The following CAMK2B variants were observed in gnomAD, a reference collection of about 807,000 sequenced individuals.
The protein encoded by CAMK2B is calcium/calmodulin-dependent protein kinase type II subunit beta.
A neutral mutation model predicts 93.7 loss-of-function variants in CAMK2B; 27 were observed. The observed-to-expected ratio is 0.29, with a 90% CI of 0.21 to 0.40. The LOEUF is 0.40. Among genes scored for constraint, CAMK2B ranks in the 10% least tolerant of loss-of-function variants. The pLI is 1.00. For missense variants in CAMK2B, 568 were observed against 895.8 expected, an observed-to-expected ratio of 0.63 and a Z score of 4.67; for synonymous variants, 374 against 358.8, an observed-to-expected ratio of 1.04 and a Z score of -0.48.
At chr7:44,250,927 A>G (rs2096774619) in intron 5 of CAMK2B, among the ~76,000 whole-genome samples, 1 of 152,184 alleles carries the variant, frequency 6.6e-6, no homozygotes, top group Non-Finnish European at 1.5e-5. Context: ...CAGTTTCCCC[A>G]TCAACTCCAA....
chr7:44,294,424 C>A (rs1270633575), intron 1 of CAMK2B, among the ~76,000 whole-genome samples: 1 of 152,182 alleles, frequency 6.6e-6, no homozygotes, highest in Non-Finnish European at 1.5e-5. Flanking sequence ...CAGCCCAGAA[C>A]AGGCATGCAG....
At chr7:44,228,342 G>A (rs1304144540) in intron 19 of CAMK2B, among the ~76,000 whole-genome samples, 1 of 152,076 alleles carries the variant, frequency 6.6e-6, no homozygotes, top group African/African-American at 2.4e-5. Context: ...ACTGAGGGAG[G>A]GTGCTCAGGG....
At chr7:44,279,619 A>C (rs1326121016) in intron 2 of CAMK2B, among the ~76,000 whole-genome samples, 1 of 152,204 alleles carries the variant, frequency 6.6e-6, no homozygotes, top group African/African-American at 2.4e-5. Flanking sequence ...CTTGAGAGGC[A>C]CAAGCACCTG....
chr7:44,253,576 C>A (rs1024130556), intron 5 of CAMK2B, among the ~76,000 whole-genome samples: 1 of 151,896 alleles, frequency 6.6e-6, no homozygotes, highest in East Asian at 2.0e-4. Context: ...CACCACCTAG[C>A]GAGGTCCTCC....
chr7:44,240,127 C>T (rs1390758802), intron 12 of CAMK2B, among the ~76,000 whole-genome samples: 1 of 135,630 alleles, frequency 7.4e-6, no homozygotes, highest in African/African-American at 2.8e-5. Flanking sequence ...ACCTGGGCTG[C>T]CGGCTCCACT....
intron 20 of CAMK2B, among the ~76,000 whole-genome samples, chr7:44,223,159 C>T (rs992378993): frequency 2.6e-5 from 4 of 152,204 alleles, no homozygotes; most frequent in African/African-American, 9.6e-5. Flanking sequence ...TGTGTGTGTG[C>T]AGTGCCTATG....
chr7:44,224,066 A>T lies in CAMK2B; in HGVS notation c.1597+2450T>A, dbSNP rs545221351. Among the ~76,000 whole-genome samples, 1 of 152,372 alleles carries T rather than the reference A, an allele frequency of 6.6e-6. No homozygotes were observed. The highest frequency in any genetic ancestry group is 1.5e-5 in the Non-Finnish European group (1 of 68,040). On this transcript the variant is annotated intron_variant, in intron 20 of 23. Coordinates refer to ENST00000395749, the MANE Select transcript of CAMK2B (RefSeq NM_001220.5). This position sits in a 1 kb window ranked among gnomAD's most constrained non-coding sequence, Gnocchi z 4.4. ...ATGCAGTGCTTTTAAACAAATTGTA[A>T]TTAAAATGGGAGTTGATGGGAAGAG... is the stretch of plus-strand genomic sequence containing the variant.
intron 15 of CAMK2B, 29 bp from the exon 16 acceptor site, chr7:44,232,895 G>C: frequency 1.3e-6 from 2 of 1,599,482 alleles, no homozygotes; most frequent in Non-Finnish European, 1.7e-6. Flanking sequence ...ACAGAGGAAG[G>C]AAAGAGAGGG....
chr7:44,263,256 C>T (rs912529418), intron 2 of CAMK2B, among the ~76,000 whole-genome samples, 192 bp from the exon 3 acceptor site: 5 of 152,194 alleles, frequency 3.3e-5, no homozygotes, highest in Admixed American at 6.5e-5. Flanking sequence ...AGGGACCAGC[C>T]GGCTTGTGTT....
chr7:44,225,767 C>A lies in CAMK2B; in HGVS notation c.1597+749G>T, dbSNP rs1307721289. The A allele has an allele frequency of 1.6e-6, 2 of 1,289,512 alleles. No individual in the cohort carries two copies. Among genetic ancestry groups the A allele is most frequent in the South Asian group, 2.5e-5 (2 of 81,030 alleles). 79.9% of individuals were successfully genotyped at this position (1,289,512 alleles called of 1,614,324 possible). ...ACCTGTCCCTCAAGTACTTACCTAGCCACTGCCCTGCCATGCCGAGCCCGT... is the reference window on the plus strand; with the variant it reads ...ACCTGTCCCTCAAGTACTTACCTAGACACTGCCCTGCCATGCCGAGCCCGT... On this transcript the variant is annotated intron_variant, in intron 20 of 23. Coordinates refer to ENST00000395749, the MANE Select transcript of CAMK2B (RefSeq NM_001220.5). The surrounding 1 kb of genome is among the most constrained non-coding windows in gnomAD (Gnocchi z 5.0).
chr7:44,310,773 G>A (rs1300737432), intron 1 of CAMK2B, among the ~76,000 whole-genome samples: 1 of 152,166 alleles, frequency 6.6e-6, no homozygotes, highest in Non-Finnish European at 1.5e-5. Context: ...GCAGAATGGT[G>A]GGTGCCAGGG....
At chr7:44,278,701 G>A (rs535214736) in intron 2 of CAMK2B, among the ~76,000 whole-genome samples, 6 of 152,342 alleles carry the variant, frequency 3.9e-5, no homozygotes, top group African/African-American at 1.4e-4. Context: ...TCAGCAGACC[G>A]TCCAGCGCTG....
At chr7:44,295,320 A>C (rs1788003841) in intron 1 of CAMK2B, among the ~76,000 whole-genome samples, 1 of 152,268 alleles carries the variant, frequency 6.6e-6, no homozygotes, top group Non-Finnish European at 1.5e-5. Context: ...ACAAACTGAA[A>C]ATCAACAACT....
chr7:44,237,647 G>A (rs183048761), intron 13 of CAMK2B, among the ~76,000 whole-genome samples: 6 of 152,054 alleles, frequency 3.9e-5, no homozygotes, highest in Non-Finnish European at 8.8e-5. Context: ...CAGATTCACC[G>A]TGGCCAGAGT....
At chr7:44,242,770 T>C (rs35452037) in intron 8 of CAMK2B, 116 bp from the exon 9 acceptor site, 268,796 of 704,548 alleles carry the variant, frequency 0.38, 54,889 homozygotes, top group Middle Eastern at 0.49. Context: ...ATTGGGGTCC[T>C]CAGCATTCCT....
intron 6 of CAMK2B, among the ~76,000 whole-genome samples, chr7:44,244,119 T>C (rs2096708149): frequency 6.6e-6 from 1 of 152,100 alleles, no homozygotes; most frequent in South Asian, 2.1e-4. Flanking sequence ...GCCCAGGACA[T>C]CCACCCACCA....
chr7:44,249,195 T>A (rs1194454096), intron 5 of CAMK2B, among the ~76,000 whole-genome samples: 1 of 152,160 alleles, frequency 6.6e-6, no homozygotes, highest in Non-Finnish European at 1.5e-5. Flanking sequence ...GGGCCCAGCA[T>A]CTGTTCCTTT....
At chr7:44,282,421 G>T (rs1436394714) in intron 2 of CAMK2B, among the ~76,000 whole-genome samples, 2 of 152,226 alleles carry the variant, frequency 1.3e-5, no homozygotes, top group African/African-American at 2.4e-5. Flanking sequence ...GGTTGGGAGC[G>T]CATGCCTCTG....
chr7:44,250,402 T>A (rs550533046), intron 5 of CAMK2B, among the ~76,000 whole-genome samples: 2 of 152,280 alleles, frequency 1.3e-5, no homozygotes, highest in East Asian at 1.9e-4. Context: ...GTCACTTTTG[T>A]GATTAGAATT....
Sources: gnomAD v4.1 joint callset for allele counts (sites outside exome capture counted in the v4.1 genomes callset) on GRCh38, gnomAD v4.1.1 for gene constraint, Gnocchi (gnomAD v3.1) non-coding constraint, MANE v1.5 for transcripts, NCBI Gene and HGNC (gene_info 2026-07-23, HGNC 2026-07-21) for gene names.